DAGLA: variants seen among roughly 807,000 people sequenced by gnomAD.
DAGLA encodes the protein diacylglycerol lipase-alpha.
In DAGLA, 22 loss-of-function variants were observed where a neutral mutation model predicts 102.6. The observed-to-expected ratio is 0.21, with a 90% CI of 0.15 to 0.31. The LOEUF (loss-of-function observed/expected upper bound fraction) is 0.31, where lower values mean the gene tolerates loss of function less well. Among genes scored for constraint, DAGLA ranks in the 10% least tolerant of loss-of-function variants. The pLI is 1.00. For synonymous variants in DAGLA, 578 were observed against 628.9 expected (o/e 0.92, Z 1.21); for missense variants, 927 against 1,446.6 (o/e 0.64, Z 5.83).
intron 1 of DAGLA, among the ~76,000 whole-genome samples, chr11:61,715,343 C>T (rs1032102241): frequency 6.6e-6 from 1 of 152,208 alleles, no homozygotes; most frequent in Non-Finnish European, 1.5e-5. Context: ...GGCCAATGAC[C>T]AAAGCCATCT....
intron 1 of DAGLA, among the ~76,000 whole-genome samples, chr11:61,712,027 G>A (rs1009573511): frequency 2.0e-5 from 3 of 152,202 alleles, no homozygotes; most frequent in Non-Finnish European, 2.9e-5. Flanking sequence ...AAACACGATC[G>A]AGTAATTGTT....
At chr11:61,682,784 A>G (rs778930512) in intron 1 of DAGLA, among the ~76,000 whole-genome samples, 21 of 148,606 alleles carry the variant, frequency 1.4e-4, no homozygotes, top group Non-Finnish European at 1.8e-4. Flanking sequence ...GGGTCAGAGC[A>G]TCCACAGATC....
chr11:61,735,638 C>T lies in DAGLA; in HGVS notation c.1206C>T (p.Ser402=). The part of the protein sequence containing the change: ...KVVISIRGTL[S]PKDALTDLTG... ...TGATCAGTATCCGGGGGACCCTGTC[C>T]CCCAAGGTACGCTGCCCATGGCTCC... is the stretch of plus-strand genomic sequence containing the variant. The change falls in exon 11 of 20, where the codon TCC becomes TCT. Residue 402 remains serine (S), a synonymous_variant. Transcript: ENST00000257215. 2 of 1,613,990 alleles carry T rather than the reference C, an allele frequency of 1.2e-6. No individual in the cohort carries two copies. Among genetic ancestry groups the T allele is most frequent in the Non-Finnish European group, 1.7e-6 (2 of 1,179,918 alleles).
At chr11:61,704,562 G>A (rs934776036) in intron 1 of DAGLA, among the ~76,000 whole-genome samples, 3 of 152,182 alleles carry the variant, frequency 2.0e-5, no homozygotes, top group Non-Finnish European at 2.9e-5. Context: ...TAGTTTCTAT[G>A]GCTTGCCTCT....
At chr11:61,695,359 G>A (rs556066517) in intron 1 of DAGLA, among the ~76,000 whole-genome samples, 13 of 152,304 alleles carry the variant, frequency 8.5e-5, no homozygotes, top group African/African-American at 2.6e-4. Context: ...GACCCGCCCC[G>A]GTTTCCTTGT....
Position 61,743,678 on chromosome 11 carries a change from G to C in DAGLA, c.2318G>C (p.Arg773Pro). Residue 773 changes from arginine (R) to proline (P), a missense_variant, in exon 20 of 20, where the codon CGG (arginine) becomes CCG (proline). By Grantham distance (103) the Arg-to-Pro change is moderately radical. This residue lies in a region of DAGLA where 434 missense variants were observed against 503.3 expected (regional missense o/e 0.86). Transcript: ENST00000257215. ...CGGCTGGCGGCGGAGCTGCAGGCCC[G>C]GCGGGCACCACTGGCCACCATGGAG... is the stretch of plus-strand genomic sequence containing the variant. Reference protein sequence around the residue: ...QERLAAELQARRAPLATMESL... With the variant: ...QERLAAELQAPRAPLATMESL... 1.2e-6 allele frequency: 2 copies of C among 1,600,816 alleles called. No individual in the cohort carries two copies. Among genetic ancestry groups the C allele is most frequent in the East Asian group, 4.5e-5 (2 of 44,748 alleles).
At chr11:61,690,965 C>T (rs902059774) in intron 1 of DAGLA, among the ~76,000 whole-genome samples, 8 of 152,230 alleles carry the variant, frequency 5.3e-5, no homozygotes, top group African/African-American at 1.4e-4. Flanking sequence ...CCGTGGCAGG[C>T]GGCTTTCAGG....
chr11:61,741,633 C>T (rs538103677), intron 19 of DAGLA, among the ~76,000 whole-genome samples: 9 of 134,104 alleles, frequency 6.7e-5, no homozygotes, highest in South Asian at 4.7e-4. Context: ...TTTTTTGAGA[C>T]GAAGTCTCGC....
At chr11:61,724,103 G>A (rs561166695) in intron 5 of DAGLA, among the ~76,000 whole-genome samples, 60 of 152,262 alleles carry the variant, frequency 3.9e-4, no homozygotes, top group African/African-American at 1.3e-3. Flanking sequence ...TATTAAATTA[G>A]GCTAGGCTGC....
intron 6 of DAGLA, among the ~76,000 whole-genome samples, chr11:61,726,723 C>T (rs1180179897): frequency 1.9e-4 from 29 of 152,224 alleles, no homozygotes; most frequent in Admixed American, 1.9e-3. Context: ...CTCAGCGTCC[C>T]ACAGCTAGTT....
intron 19 of DAGLA, among the ~76,000 whole-genome samples, chr11:61,741,650 C>T (rs1219910870): frequency 4.4e-5 from 6 of 137,930 alleles, no homozygotes; most frequent in African/African-American, 1.1e-4. Flanking sequence ...TCGCTCTTTT[C>T]CCCCAGGCCG....
intron 5 of DAGLA, among the ~76,000 whole-genome samples, chr11:61,724,691 A>C (rs1307663793): frequency 1.3e-5 from 2 of 152,068 alleles, no homozygotes; most frequent in Non-Finnish European, 2.9e-5. Flanking sequence ...CCAGCCCAAA[A>C]TGTCAGGTCT....
At chr11:61,739,729 C>A in intron 17 of DAGLA, 68 bp downstream of exon 17, 1 of 1,510,586 alleles carries the variant, frequency 6.6e-7, no homozygotes, top group South Asian at 1.2e-5. Context: ...AGAGCAGGGC[C>A]GGCCTTGGCT....
In DAGLA at chr11:61,744,633, G is replaced by T; in HGVS notation, c.*144G>T. The T allele has an allele frequency of 1.5e-6, 1 of 670,830 alleles. No individual in the cohort carries two copies. The highest frequency in any genetic ancestry group is 2.0e-5 in the South Asian group (1 of 49,046). 41.6% of individuals were successfully genotyped at this position (670,830 alleles called of 1,614,324 possible). A position where few individuals can be genotyped will look rare whatever the true frequency, so the allele number is the denominator to read the frequency against. ...GCACAGGCATCGCTGCTGAGCTGGG[G>T]GTCCGCATCCCTACCTCAGCTTAGG... On this transcript the variant is annotated 3_prime_UTR_variant, in exon 20 of 20. Transcript: ENST00000257215.
intron 12 of DAGLA, 99 bp downstream of exon 12, chr11:61,735,915 C>T: frequency 1.7e-6 from 2 of 1,160,848 alleles, no homozygotes; most frequent in Non-Finnish European, 2.4e-6. Flanking sequence ...GCTCGCTGGG[C>T]TCACTGGAAG....
In DAGLA at chr11:61,720,796, C is replaced by T. The variant is rs769921060; in HGVS notation, c.213C>T (p.Ile71=). The change falls in exon 3 of 20, where the codon ATC becomes ATT. Residue 71 remains isoleucine, a synonymous_variant. Transcript: ENST00000257215. ...GYLGILLSCM[I]AEMAIIWLSM... ...TGGGCATCCTGCTGAGCTGCATGAT[C>T]GCTGAGATGGCCATCATCTGGCTGA... is the stretch of plus-strand genomic sequence containing the variant. 5.6e-6 allele frequency: 9 copies of T among 1,613,844 alleles called. No homozygotes were observed. Among genetic ancestry groups the T allele is most frequent in the Admixed American group, 3.3e-5 (2 of 60,036 alleles).
chr11:61,738,011 C>T lies in DAGLA; in HGVS notation c.1584-124C>T, dbSNP rs188952615. 385 of 785,790 alleles carry T rather than the reference C, an allele frequency of 4.9e-4. No homozygotes were observed. In the African/African-American group the frequency reaches 6.0e-3, roughly 12 times the overall value. 48.7% of individuals were successfully genotyped at this position (785,790 alleles called of 1,614,324 possible). A position where few individuals can be genotyped will look rare whatever the true frequency, so the allele number is the denominator to read the frequency against. On this transcript the variant is annotated intron_variant, in intron 15 of 19. Coordinates refer to ENST00000257215, the MANE Select transcript of DAGLA (RefSeq NM_006133.3). ...CTGTGGACACCTCTCCACCCCGTGA[C>T]CCTGGCTGACGTGTCTTCTTGTTCC...
chr11:61,703,017 C>T (rs958698039), intron 1 of DAGLA, among the ~76,000 whole-genome samples: 8 of 152,198 alleles, frequency 5.3e-5, no homozygotes, highest in Non-Finnish European at 1.0e-4. Context: ...GCATGGCCAG[C>T]AGATGGTGTG....
At chr11:61,738,490 A>G in intron 16 of DAGLA, among the ~76,000 whole-genome samples, 1 of 152,190 alleles carries the variant, frequency 6.6e-6, no homozygotes, top group East Asian at 1.9e-4. Context: ...AGGAACCGAG[A>G]GGCTCCCATC....
Sources: allele counts gnomAD v4.1 joint callset (sites outside exome capture counted in the v4.1 genomes callset), GRCh38; gene constraint gnomAD v4.1.1; regional missense constraint gnomAD v4.1.1; transcripts MANE v1.5; gene names NCBI Gene and HGNC (gene_info 2026-07-23, HGNC 2026-07-21).